Variants in SYN3 observed in about 807,000 individuals in gnomAD.
SYN3 encodes synapsin III.
In SYN3, 35 loss-of-function variants were observed where a neutral mutation model predicts 65.8. That is an observed-to-expected ratio of 0.53 (90% CI 0.41 to 0.70). SYN3 has a LOEUF of 0.70. Among genes scored for constraint, SYN3 ranks in the 30% least tolerant of loss-of-function variants. The pLI is 0.00. For missense variants in SYN3, 680 were observed against 749.0 expected, an observed-to-expected ratio of 0.91 and a Z score of 1.08; for synonymous variants, 270 against 292.9, an observed-to-expected ratio of 0.92 and a Z score of 0.80.
At chr22:32,825,238 C>T (rs2047367263) in intron 6 of SYN3, among the ~76,000 whole-genome samples, 1 of 152,100 alleles carries the variant, frequency 6.6e-6, no homozygotes, top group Non-Finnish European at 1.5e-5. Flanking sequence ...TAGAGGTCTG[C>T]AGGGTGGCCA....
intron 6 of SYN3, among the ~76,000 whole-genome samples, chr22:32,597,272 A>G (rs1380222047): frequency 7.6e-6 from 1 of 132,408 alleles, no homozygotes; most frequent in East Asian, 2.3e-4. Context: ...CTGGAGTGCA[A>G]TGGCACGATC....
intron 6 of SYN3, among the ~76,000 whole-genome samples, chr22:32,813,530 CACACACGT>C (rs1446646217): frequency 7.6e-5 from 11 of 145,434 alleles, no homozygotes; most frequent in African/African-American, 2.8e-4. Flanking sequence ...CACACACACA[CACACACGT>C]GGACCAAACA....
At position 32,791,952 on chromosome 22, in the gene SYN3, C is replaced by T. The variant is rs191811958; in HGVS notation, c.711+72963G>A. Among the ~76,000 whole-genome samples, 271 of 152,208 alleles carry T rather than the reference C, an allele frequency of 1.8e-3. 1 individual carries two copies. The highest frequency in any genetic ancestry group is 6.3e-3 in the African/African-American group (261 of 41,526). On this transcript the variant is annotated intron_variant, in intron 6 of 13. Coordinates refer to ENST00000358763, the MANE Select transcript of SYN3 (RefSeq NM_003490.4). ...ATTACAAGGTCAAAGGGGATATAAG[C>T]ACATGCTCTTTCTTTATAAACACAG...
At chr22:32,580,295 A>G (rs574579480) in intron 7 of SYN3, among the ~76,000 whole-genome samples, 13 of 152,364 alleles carry the variant, frequency 8.5e-5, no homozygotes, top group African/African-American at 3.1e-4. Context: ...CCCCTTATCC[A>G]TGGTTTCACC....
Position 32,690,186 on chromosome 22 carries a change from A to G in SYN3, c.712-93450T>C, listed in dbSNP as rs8137404. ...GCGAGACTGTCTCAAAAAAAGGAAA[A>G]AGGCCCAAGAGAGATCCATCTCCCC... On this transcript the variant is annotated intron_variant, in intron 6 of 13. Coordinates refer to ENST00000358763, the MANE Select transcript of SYN3 (RefSeq NM_003490.4). Among the ~76,000 whole-genome samples, 805 of 151,946 alleles carry G rather than the reference A, an allele frequency of 5.3e-3. 8 individuals carry two copies. Among genetic ancestry groups the G allele is most frequent in the African/African-American group, 0.019 (778 of 41,430 alleles).
intron 6 of SYN3, among the ~76,000 whole-genome samples, chr22:32,684,652 C>T (rs1352125274): frequency 2.6e-5 from 4 of 152,172 alleles, no homozygotes; most frequent in Non-Finnish European, 5.9e-5. Flanking sequence ...AACTCTGAGC[C>T]CTCAAGCACA....
At position 32,770,640 on chromosome 22, in the gene SYN3, C is replaced by T. The variant is rs185579123; in HGVS notation, c.711+94275G>A. 3.0e-4 allele frequency among the ~76,000 whole-genome samples: 45 copies of T among 152,258 alleles called. No homozygotes were observed. The East Asian group carries it at 8.5e-3, about 29-fold the overall frequency. ...GTCTCTGCTTCGTTGGAGAGACCCTCCTTACCCATCATATAATACAGCAAC... is the reference window on the plus strand; with the variant it reads ...GTCTCTGCTTCGTTGGAGAGACCCTTCTTACCCATCATATAATACAGCAAC... On this transcript the variant is annotated intron_variant, in intron 6 of 13. Transcript: ENST00000358763.
At chr22:32,875,038 G>A (rs1053231818) in intron 4 of SYN3, among the ~76,000 whole-genome samples, 2 of 152,210 alleles carry the variant, frequency 1.3e-5, no homozygotes, top group African/African-American at 4.8e-5. Flanking sequence ...CAGATGGAGG[G>A]GTTTGAATCG....
chr22:32,876,311 C>A (rs1057165663), intron 4 of SYN3, among the ~76,000 whole-genome samples: 1 of 152,164 alleles, frequency 6.6e-6, no homozygotes, highest in Non-Finnish European at 1.5e-5. Context: ...GGCCCCACCT[C>A]CTAATCGCAT....
chr22:32,778,056 G>A (rs2045950272), intron 6 of SYN3, among the ~76,000 whole-genome samples: 1 of 152,134 alleles, frequency 6.6e-6, no homozygotes, highest in African/African-American at 2.4e-5. Flanking sequence ...CACTCCAAGA[G>A]GACAATGCTT....
rs777908921 is a variant in SYN3 at position 32,622,725 on chromosome 22, CAAAAAAA to C, written c.712-25996_712-25990del. Among the ~76,000 whole-genome samples, 9 of 78,206 alleles carry C rather than the reference CAAAAAAA, an allele frequency of 1.2e-4. No individual in the cohort carries two copies. In the Admixed American group the frequency reaches 1.2e-3, roughly 11 times the overall value. 51.3% of individuals were successfully genotyped at this position (78,206 alleles called of 152,430 possible). A position where few individuals can be genotyped will look rare whatever the true frequency, so the allele number is the denominator to read the frequency against. On this transcript the variant is annotated intron_variant, in intron 6 of 13. Coordinates refer to ENST00000358763, the MANE Select transcript of SYN3 (RefSeq NM_003490.4). ...GCTGTGGATCTCCAGAAATCGGATG[CAAAAAAA>C]AAAAAAAAAAAAAGTTTCTCTGTAC... is the stretch of plus-strand genomic sequence containing the variant.
At chr22:32,968,072 A>T (rs1290453865) in intron 3 of SYN3, among the ~76,000 whole-genome samples, 1 of 152,200 alleles carries the variant, frequency 6.6e-6, no homozygotes, top group East Asian at 1.9e-4. Context: ...TAAGGTGGTG[A>T]ACAAGAGGAG....
Position 32,541,583 on chromosome 22 carries a change from T to C in SYN3, c.905A>G (p.Tyr302Cys). The C allele has an allele frequency of 1.9e-6, 3 of 1,613,914 alleles. No individual in the cohort carries two copies. The highest frequency in any genetic ancestry group is 2.5e-6 in the Non-Finnish European group (3 of 1,179,934). ...CCCAGAGACTCACATGTAAGCCTTG[T>C]AGTTGGATCCAATTTTCTGGATGCG... ...DIRIQKIGSN[Y>C]KAYMRTSISG... Residue 302 changes from tyrosine to cysteine, a missense_variant, in exon 8 of 14, where the codon TAC becomes TGC. By Grantham distance (194) the Tyr-to-Cys change is radical. Transcript: ENST00000358763.
At chr22:32,866,792 A>G (rs1028558655) in intron 5 of SYN3, among the ~76,000 whole-genome samples, 2 of 152,194 alleles carry the variant, frequency 1.3e-5, no homozygotes, top group Non-Finnish European at 2.9e-5. Flanking sequence ...CAGGGCCATG[A>G]CAATAGTGGT....
At chr22:32,630,581 C>T (rs1445790175) in intron 6 of SYN3, among the ~76,000 whole-genome samples, 1 of 152,136 alleles carries the variant, frequency 6.6e-6, no homozygotes, top group East Asian at 1.9e-4. Flanking sequence ...TTAGCTGGGG[C>T]ACACTTTTAA....
intron 12 of SYN3, among the ~76,000 whole-genome samples, chr22:32,522,772 C>T (rs367819848): frequency 6.6e-6 from 1 of 152,096 alleles, no homozygotes; most frequent in East Asian, 1.9e-4. Context: ...GGACAAGCAC[C>T]CCATCCTTAA....
chr22:32,755,066 G>C (rs964866671), intron 6 of SYN3, among the ~76,000 whole-genome samples: 1 of 152,222 alleles, frequency 6.6e-6, no homozygotes, highest in Non-Finnish European at 1.5e-5. Context: ...CTAGAGAGCA[G>C]AGCAGAGGCG....
intron 3 of SYN3, among the ~76,000 whole-genome samples, chr22:32,932,911 T>C (rs137553): frequency 0.99 from 151,219 of 152,294 alleles, 75,082 homozygotes; most frequent in East Asian, 1. Flanking sequence ...GACCTCTCTC[T>C]TTGGCTTGTA....
At chr22:32,780,356 T>G (rs1231394459) in intron 6 of SYN3, among the ~76,000 whole-genome samples, 1 of 152,124 alleles carries the variant, frequency 6.6e-6, no homozygotes, top group African/African-American at 2.4e-5. Context: ...ATCGGACAAC[T>G]GCTGTAGGAG....
Sources: gnomAD v4.1 joint callset for allele counts (sites outside exome capture counted in the v4.1 genomes callset) on GRCh38, gnomAD v4.1.1 for gene constraint, MANE v1.5 for transcripts, NCBI Gene and HGNC (gene_info 2026-07-23, HGNC 2026-07-21) for gene names.